UNC5D: variants seen among roughly 807,000 people sequenced by gnomAD.
UNC5D encodes the protein netrin receptor UNC5D.
Under a neutral mutation model 105.4 loss-of-function variants are expected in UNC5D, and 39 were observed. That is an observed-to-expected ratio of 0.37 (90% CI 0.29 to 0.48). The LOEUF is 0.48. UNC5D is among the 20% of genes least tolerant of loss of function. UNC5D has a pLI of 0.98. For synonymous variants in UNC5D, 452 were observed against 450.4 expected (o/e 1.00, Z -0.04); for missense variants, 991 against 1,202.4 (o/e 0.82, Z 2.60).
chr8:35,291,664 G>A (rs1299632079), intron 1 of UNC5D, among the ~76,000 whole-genome samples: 1 of 152,152 alleles, frequency 6.6e-6, no homozygotes, highest in African/African-American at 2.4e-5. Context: ...GGTTTGGGTG[G>A]TGGATTGTGT....
chr8:35,571,734 C>T (rs1056669500), intron 3 of UNC5D, among the ~76,000 whole-genome samples: 2 of 152,184 alleles, frequency 1.3e-5, no homozygotes, highest in African/African-American at 4.8e-5. Context: ...ATTCCCAATA[C>T]ATGAAAAGCT....
At chr8:35,485,379 C>T (rs910856165) in intron 1 of UNC5D, among the ~76,000 whole-genome samples, 1 of 152,166 alleles carries the variant, frequency 6.6e-6, no homozygotes, top group African/African-American at 2.4e-5. Flanking sequence ...TAAATGTATT[C>T]ATATTTTCAG....
At chr8:35,612,286 T>C (rs530305290) in intron 4 of UNC5D, among the ~76,000 whole-genome samples, 9 of 152,350 alleles carry the variant, frequency 5.9e-5, no homozygotes, top group African/African-American at 1.7e-4. Flanking sequence ...TCTCTGCTTC[T>C]TGCTCAGCCC....
intron 10 of UNC5D, 96 bp from the exon 11 acceptor site, chr8:35,730,916 T>C: frequency 9.7e-7 from 1 of 1,029,094 alleles, no homozygotes. Context: ...CATGAGAAAG[T>C]AGCTTGTTTT....
chr8:35,469,996 G>A (rs1809587363), intron 1 of UNC5D, among the ~76,000 whole-genome samples: 1 of 152,142 alleles, frequency 6.6e-6, no homozygotes. Context: ...ATTGATGAAG[G>A]ATGTTGTAAA....
chr8:35,392,417 T>G (rs1585736101), intron 1 of UNC5D, among the ~76,000 whole-genome samples: 1 of 152,310 alleles, frequency 6.6e-6, no homozygotes, highest in East Asian at 1.9e-4. Flanking sequence ...CAAGATTGTA[T>G]TGTGTTGTCC....
intron 1 of UNC5D, among the ~76,000 whole-genome samples, chr8:35,524,640 CAAAAAAA>C (rs113548648): frequency 2.7e-4 from 19 of 71,128 alleles, no homozygotes; most frequent in South Asian, 9.7e-4. Context: ...ATGCCCTGTG[CAAAAAAA>C]AAAAAAAAGA....
intron 4 of UNC5D, among the ~76,000 whole-genome samples, chr8:35,601,273 G>A (rs1202207067): frequency 6.6e-6 from 1 of 152,088 alleles, no homozygotes; most frequent in Non-Finnish European, 1.5e-5. Flanking sequence ...GGATTGACTT[G>A]GCAATGTGGG....
intron 7 of UNC5D, among the ~76,000 whole-genome samples, chr8:35,699,259 C>T (rs1265715356): frequency 6.6e-6 from 1 of 151,944 alleles, no homozygotes; most frequent in East Asian, 1.9e-4. Flanking sequence ...TTGTCCAGTC[C>T]CCCCAGTTTG....
chr8:35,391,293 A>G (rs990042646), intron 1 of UNC5D, among the ~76,000 whole-genome samples: 5 of 152,304 alleles, frequency 3.3e-5, no homozygotes, highest in Middle Eastern at 3.4e-3. Context: ...ATCATTTCTC[A>G]GCTCCAGATT....
chr8:35,750,490 A>G (rs1830221724), intron 12 of UNC5D, 92 bp from the exon 13 acceptor site: 1 of 1,331,030 alleles, frequency 7.5e-7, no homozygotes, highest in South Asian at 1.2e-5. Flanking sequence ...ACAAATTTAT[A>G]TTTGTGTGTT....
chr8:35,472,859 G>A (rs772931745), intron 1 of UNC5D, among the ~76,000 whole-genome samples: 1 of 152,090 alleles, frequency 6.6e-6, no homozygotes, highest in Non-Finnish European at 1.5e-5. Flanking sequence ...GGGAAAGAAT[G>A]ATAGATGGAA....
chr8:35,401,369 A>G (rs1433225248), intron 1 of UNC5D, among the ~76,000 whole-genome samples: 1 of 152,178 alleles, frequency 6.6e-6, no homozygotes. Context: ...TTGTAATCTC[A>G]GCTACTCAGG....
chr8:35,349,443 C>T (rs1043314768), intron 1 of UNC5D, among the ~76,000 whole-genome samples: 3 of 151,316 alleles, frequency 2.0e-5, no homozygotes, highest in Admixed American at 2.0e-4. Context: ...ATTACTATTG[C>T]CACTGATTTC....
chr8:35,302,155 C>T (rs1456807060), intron 1 of UNC5D, among the ~76,000 whole-genome samples: 1 of 152,134 alleles, frequency 6.6e-6, no homozygotes, highest in African/African-American at 2.4e-5. Flanking sequence ...ACAGCTTACC[C>T]TTATATTTGA....
At chr8:35,364,477 G>C (rs904019512) in intron 1 of UNC5D, among the ~76,000 whole-genome samples, 2 of 151,940 alleles carry the variant, frequency 1.3e-5, no homozygotes, top group Admixed American at 6.6e-5. Flanking sequence ...CTTGTGCTTT[G>C]CTTGCTCTGA....
At chr8:35,336,016 G>A (rs142925166) in intron 1 of UNC5D, among the ~76,000 whole-genome samples, 2,325 of 152,102 alleles carry the variant, frequency 0.015, 32 homozygotes, top group Admixed American at 0.03. Context: ...GCCTGCATTA[G>A]CCTCCCAAAG....
chr8:35,668,087 A>G (rs559827008), intron 4 of UNC5D, among the ~76,000 whole-genome samples: 47 of 152,282 alleles, frequency 3.1e-4, no homozygotes, highest in Admixed American at 2.7e-3. Context: ...TTCTGTTTCT[A>G]TACTTCGGCA....
chr8:35,534,194 G>A (rs570115002), intron 1 of UNC5D, among the ~76,000 whole-genome samples: 20 of 152,234 alleles, frequency 1.3e-4, no homozygotes, highest in African/African-American at 4.3e-4. Flanking sequence ...AATATTATAG[G>A]GAGGAAATGG....
Sources: gnomAD v4.1 joint callset for allele counts (sites outside exome capture counted in the v4.1 genomes callset) on GRCh38, gnomAD v4.1.1 for gene constraint, MANE v1.5 for transcripts, NCBI Gene and HGNC (gene_info 2026-07-23, HGNC 2026-07-21) for gene names.